Variants in MGAT4C observed in about 807,000 individuals in gnomAD.
MGAT4C encodes the protein alpha-1,3-mannosyl-glycoprotein 4-beta-N-acetylglucosaminyltransferase C.
Under a neutral mutation model 40.1 loss-of-function variants are expected in MGAT4C, and 19 were observed. The ratio of observed to expected loss-of-function variants is 0.47; its 90% CI spans 0.33 to 0.70. The LOEUF (loss-of-function observed/expected upper bound fraction) is 0.70. Among genes scored for constraint, MGAT4C ranks in the 30% least tolerant of loss-of-function variants. The probability of loss-of-function intolerance (pLI) is 0.02; values close to 1 mark genes in which losing one functional copy is unlikely to be tolerated. For synonymous variants in MGAT4C, 181 were observed against 187.1 expected, an observed-to-expected ratio of 0.97 and a Z score of 0.27; for missense variants, 491 against 563.2, an observed-to-expected ratio of 0.87 and a Z score of 1.30.
chr12:86,313,660 A>G (rs1954132019), intron 4 of MGAT4C, among the ~76,000 whole-genome samples: 1 of 152,220 alleles, frequency 6.6e-6, no homozygotes, highest in African/African-American at 2.4e-5. Flanking sequence ...CAATCAATAG[A>G]AAACAGTTGT....
chr12:86,707,034 C>T (rs1593136209), intron 2 of MGAT4C, among the ~76,000 whole-genome samples: 1 of 152,212 alleles, frequency 6.6e-6, no homozygotes, highest in African/African-American at 2.4e-5. Flanking sequence ...TGCCTTCTGC[C>T]ATGATGGTGG....
At chr12:86,513,197 T>C (rs569546874) in intron 2 of MGAT4C, among the ~76,000 whole-genome samples, 2 of 152,262 alleles carry the variant, frequency 1.3e-5, no homozygotes, top group South Asian at 4.1e-4. Flanking sequence ...ACTATTATAC[T>C]TAAAAATCAT....
chr12:86,739,909 T>TTATA (rs1013184863), intron 1 of MGAT4C, among the ~76,000 whole-genome samples: 1 of 150,078 alleles, frequency 6.7e-6, no homozygotes, highest in African/African-American at 2.4e-5. Flanking sequence ...CTAAGGCATA[T>TTATA]TATATATATA....
chr12:86,234,276 G>T (rs1332243818), intron 1 of MGAT4C, among the ~76,000 whole-genome samples: 1 of 152,116 alleles, frequency 6.6e-6, no homozygotes, highest in African/African-American at 2.4e-5. Context: ...CTAATGTAGA[G>T]CCAGCATTTG....
At chr12:86,400,924 AG>A (rs1956345576) in intron 3 of MGAT4C, among the ~76,000 whole-genome samples, 1 of 152,180 alleles carries the variant, frequency 6.6e-6, no homozygotes, top group Non-Finnish European at 1.5e-5. Context: ...GTGAGTATCT[AG>A]CATATGTGTC....
At chr12:86,520,188 T>C (rs141369105) in intron 2 of MGAT4C, among the ~76,000 whole-genome samples, 2 of 152,256 alleles carry the variant, frequency 1.3e-5, no homozygotes, top group East Asian at 3.9e-4. Flanking sequence ...TTAGTAATCA[T>C]TAGTTATTTT....
chr12:86,322,384 A>G (rs1419318276), intron 4 of MGAT4C, among the ~76,000 whole-genome samples: 1 of 151,784 alleles, frequency 6.6e-6, no homozygotes. Flanking sequence ...AAAAAATCAG[A>G]GAACTGCTTA....
intron 2 of MGAT4C, among the ~76,000 whole-genome samples, chr12:86,717,097 T>G (rs532241624): frequency 6.6e-6 from 1 of 152,046 alleles, no homozygotes; most frequent in African/African-American, 2.4e-5. Context: ...TGTGCTCTTT[T>G]TTTGGCCAAA....
In MGAT4C at chr12:86,678,333, A is replaced by C. The variant is rs371618496; in HGVS notation, c.-229+48876T>G. On this transcript the variant is annotated intron_variant, in intron 2 of 7. Coordinates refer to the MGAT4C transcript ENST00000548651. ...ATGTGATGGCTCAGTAGGCCTTTTG[A>C]TTTGTCATTTCTACCTTCATCGCCT... 2.6e-4 allele frequency among the ~76,000 whole-genome samples: 40 copies of C among 151,888 alleles called. 1 individual carries two copies. The East Asian group carries it at 6.2e-3, about 24-fold the overall frequency.
chr12:86,608,596 T>C (rs1181362565), intron 2 of MGAT4C, among the ~76,000 whole-genome samples: 2 of 152,042 alleles, frequency 1.3e-5, no homozygotes, highest in Non-Finnish European at 2.9e-5. Flanking sequence ...TTCAATGTGC[T>C]AGTACTTTAT....
At chr12:86,784,329 T>C (rs957550142) in intron 1 of MGAT4C, among the ~76,000 whole-genome samples, 3 of 152,128 alleles carry the variant, frequency 2.0e-5, no homozygotes, top group Non-Finnish European at 4.4e-5. Flanking sequence ...AAACTTAGCA[T>C]GCAGACCACC....
intron 4 of MGAT4C, among the ~76,000 whole-genome samples, chr12:86,322,998 C>T (rs1055480789): frequency 6.6e-5 from 10 of 151,886 alleles, no homozygotes; most frequent in African/African-American, 2.4e-4. Context: ...AAGCATTGCT[C>T]ATTTTTATTG....
intron 1 of MGAT4C, among the ~76,000 whole-genome samples, chr12:86,074,490 T>A (rs1388199000): frequency 6.6e-6 from 1 of 152,180 alleles, no homozygotes; most frequent in African/African-American, 2.4e-5. Context: ...CATATTTTTA[T>A]AGAAGTGAGT....
rs150079251 is a variant in MGAT4C, at chr12:86,317,378, G to A, written c.-57+16687C>T. Among the ~76,000 whole-genome samples the A allele has an allele frequency of 3.4e-3, 520 of 152,108 alleles. 1 individual carries two copies. The highest frequency in any genetic ancestry group is 0.02 in the Middle Eastern group (6 of 294). On this transcript the variant is annotated intron_variant, in intron 4 of 7. Coordinates refer to the MGAT4C transcript ENST00000548651. ...AATGCAGGTTTGTATTAAAAATAGG[G>A]ATATACATTTCTGGGATGTGTAAAC...
intron 2 of MGAT4C, among the ~76,000 whole-genome samples, chr12:86,607,911 T>C (rs1287309688): frequency 6.6e-6 from 1 of 152,088 alleles, no homozygotes; most frequent in African/African-American, 2.4e-5. Context: ...ATTTGATTGA[T>C]TGATTAGTTG....
At chr12:85,980,513 A>T (rs561866218) in intron 4 of MGAT4C, 83 bp from the exon 5 acceptor site, 2 of 1,243,558 alleles carry the variant, frequency 1.6e-6, no homozygotes, top group South Asian at 3.1e-5. Context: ...TATTCCTTTG[A>T]CTTGCTACTT....
intron 1 of MGAT4C, among the ~76,000 whole-genome samples, chr12:86,168,181 A>C (rs2135820890): frequency 6.6e-6 from 1 of 152,302 alleles, no homozygotes; most frequent in Admixed American, 6.5e-5. Context: ...TTGTTCAAGT[A>C]CAAATCTGTA....
intron 2 of MGAT4C, among the ~76,000 whole-genome samples, chr12:86,596,940 C>A (rs568367164): frequency 2.0e-5 from 3 of 152,174 alleles, no homozygotes; most frequent in South Asian, 2.1e-4. Context: ...GAAAGTCATA[C>A]AAACTTCTTC....
At chr12:86,380,531 A>T (rs1339804032) in intron 3 of MGAT4C, among the ~76,000 whole-genome samples, 1 of 152,180 alleles carries the variant, frequency 6.6e-6, no homozygotes, top group African/African-American at 2.4e-5. Context: ...AGACAAGGAC[A>T]TAGATTGTTT....
Sources: allele counts gnomAD v4.1 joint callset (sites outside exome capture counted in the v4.1 genomes callset), GRCh38; gene constraint gnomAD v4.1.1; transcripts MANE v1.5; gene names NCBI Gene and HGNC (gene_info 2026-07-23, HGNC 2026-07-21).